Variants in ZNF536 observed in about 807,000 individuals in gnomAD.
ZNF536 encodes the protein zinc finger protein 536.
Under a neutral mutation model 84.5 loss-of-function variants are expected in ZNF536, and 13 were observed. That is an observed-to-expected ratio of 0.15 (90% CI 0.10 to 0.24). The LOEUF (loss-of-function observed/expected upper bound fraction) is 0.24, where lower values mean the gene tolerates loss of function less well. Ranked by LOEUF, ZNF536 falls within the 10% of genes least tolerant of loss-of-function variation. The pLI, the probability that ZNF536 is intolerant of heterozygous loss-of-function variation, is 1.00. For missense variants in ZNF536, 1,536 were observed against 1,747.5 expected (o/e 0.88, Z 2.16); for synonymous variants, 811 against 742.5 (o/e 1.09, Z -1.50).
chr19:30,630,288 G>A (rs1363069355), intron 1 of ZNF536, among the ~76,000 whole-genome samples: 2 of 152,188 alleles, frequency 1.3e-5, no homozygotes, highest in South Asian at 2.1e-4. Context: ...TTAGGTTGGT[G>A]CAAAAGTAAT....
intron 2 of ZNF536, among the ~76,000 whole-genome samples, chr19:30,528,717 ACT>A (rs2044686749): frequency 6.6e-6 from 1 of 151,928 alleles, no homozygotes; most frequent in Non-Finnish European, 1.5e-5. Context: ...GTGCAGGCAC[ACT>A]CTGTCTTCAT....
intron 1 of ZNF536, among the ~76,000 whole-genome samples, chr19:30,621,385 G>C (rs574990295): frequency 1.3e-5 from 2 of 152,098 alleles, no homozygotes; most frequent in South Asian, 2.1e-4. Context: ...TTTTAGAAAG[G>C]GGGTGTGGCC....
intron 1 of ZNF536, among the ~76,000 whole-genome samples, chr19:30,615,152 A>C (rs1472609080): frequency 6.0e-5 from 9 of 149,064 alleles, no homozygotes; most frequent in African/African-American, 2.2e-4. Flanking sequence ...TCACCGTGTT[A>C]GCCAGGATGG....
At chr19:30,318,182 G>A (rs2046742303) in intron 2 of ZNF536, among the ~76,000 whole-genome samples, 1 of 152,196 alleles carries the variant, frequency 6.6e-6, no homozygotes, top group Non-Finnish European at 1.5e-5. Flanking sequence ...AGCTGATGGA[G>A]CCCTCTCCCA....
chr19:30,619,618 C>T (rs1024068281), intron 1 of ZNF536, among the ~76,000 whole-genome samples: 1 of 152,218 alleles, frequency 6.6e-6, no homozygotes. Context: ...AAGCCCAGAG[C>T]TCACCGACTC....
At chr19:30,536,767 G>T (rs1391903217) in intron 3 of ZNF536, among the ~76,000 whole-genome samples, 1 of 152,158 alleles carries the variant, frequency 6.6e-6, no homozygotes, top group Non-Finnish European at 1.5e-5. Context: ...GCAAGTGCTG[G>T]TTGCTTGGGC....
intron 1 of ZNF536, among the ~76,000 whole-genome samples, chr19:30,415,145 T>TCCCTG (rs2050659716): frequency 7.1e-6 from 1 of 140,176 alleles, no homozygotes; most frequent in African/African-American, 2.7e-5. Flanking sequence ...CTTTTCCTTC[T>TCCCTG]TCTCCTCCCC....
intron 1 of ZNF536, among the ~76,000 whole-genome samples, chr19:30,262,955 A>G (rs915386589): frequency 4.6e-5 from 7 of 152,206 alleles, no homozygotes; most frequent in African/African-American, 1.7e-4. Flanking sequence ...TGTGTAAGGC[A>G]GGGGTGCTAG....
chr19:30,613,916 G>A (rs1281849172), intron 1 of ZNF536, among the ~76,000 whole-genome samples: 3 of 152,168 alleles, frequency 2.0e-5, no homozygotes, highest in Non-Finnish European at 2.9e-5. Flanking sequence ...GGGCTGGAGC[G>A]CAGTGGTACG....
At chr19:30,522,437 G>A (rs1277937266) in intron 2 of ZNF536, among the ~76,000 whole-genome samples, 1 of 151,446 alleles carries the variant, frequency 6.6e-6, no homozygotes, top group Non-Finnish European at 1.5e-5. Context: ...GGCTAGATAA[G>A]TCAGTGCAGC....
intron 2 of ZNF536, among the ~76,000 whole-genome samples, chr19:30,457,183 C>A (rs1303895965): frequency 1.3e-5 from 2 of 152,208 alleles, no homozygotes; most frequent in Non-Finnish European, 2.9e-5. Context: ...GTGGGAGCAC[C>A]TTGGTGCCCA....
intron 1 of ZNF536, among the ~76,000 whole-genome samples, chr19:30,641,379 C>T (rs982400826): frequency 3.9e-5 from 6 of 152,092 alleles, no homozygotes; most frequent in African/African-American, 1.2e-4. Flanking sequence ...CTGTGCCTAG[C>T]TTTTATGGAA....
intron 1 of ZNF536, among the ~76,000 whole-genome samples, chr19:30,705,156 G>C (rs1434922104): frequency 6.6e-6 from 1 of 152,110 alleles, no homozygotes; most frequent in African/African-American, 2.4e-5. Context: ...CAGGCTTTCA[G>C]TTATATTTGA....
rs140395767 is a variant in ZNF536 at position 30,325,215 on chromosome 19, C to T, written c.-119-27153C>T. Reference sequence around the variant, plus strand: ...GCACTTTGCCTTCTGGGGGCTCCAGCACCAGGCTGCAACTGAGGGACAGAA... The same window carrying T: ...GCACTTTGCCTTCTGGGGGCTCCAGTACCAGGCTGCAACTGAGGGACAGAA... On this transcript the variant is annotated intron_variant, in intron 2 of 5. Transcript: ENST00000585628. Among the ~76,000 whole-genome samples the T allele has an allele frequency of 2.1e-3, 316 of 152,298 alleles. 2 individuals are homozygous for T. Among genetic ancestry groups the T allele is most frequent in the African/African-American group, 7.1e-3 (296 of 41,576 alleles).
At chr19:30,338,469 T>C (rs1486635439) in intron 2 of ZNF536, among the ~76,000 whole-genome samples, 2 of 147,148 alleles carry the variant, frequency 1.4e-5, no homozygotes, top group Non-Finnish European at 3.0e-5. Context: ...GTGATGATGA[T>C]GACAATGATG....
rs1179950305 is a variant in ZNF536 at position 30,664,202 on chromosome 19, TTTTCTCTCTCTCTC to T, written c.170-46553_170-46540del. Among the ~76,000 whole-genome samples the T allele has an allele frequency of 2.7e-3, 316 of 118,498 alleles. 9 individuals are homozygous for T. Among genetic ancestry groups the T allele is most frequent in the African/African-American group, 5.2e-3 (178 of 34,372 alleles). 77.7% of individuals were successfully genotyped at this position (118,498 alleles called of 152,430 possible). A position where few individuals can be genotyped will look rare whatever the true frequency, so the allele number is the denominator to read the frequency against. ...GCTATCTAGAGGAATTCTTGCTGAG[TTTTCTCTCTCTCTC>T]TCTCTCTCTCTCTCTCTCTCTCTCT... is the stretch of plus-strand genomic sequence containing the variant. On this transcript the variant is annotated intron_variant, in intron 1 of 1. Coordinates refer to the ZNF536 transcript ENST00000592773.
intron 1 of ZNF536, among the ~76,000 whole-genome samples, chr19:30,273,054 C>A (rs143782117): frequency 6.6e-6 from 1 of 152,158 alleles, no homozygotes; most frequent in African/African-American, 2.4e-5. Flanking sequence ...AGGTATGCAC[C>A]ACCACACCTG....
intron 2 of ZNF536, among the ~76,000 whole-genome samples, chr19:30,303,955 C>T (rs2046268772): frequency 1.3e-5 from 2 of 152,134 alleles, no homozygotes. Context: ...AGCACACGTG[C>T]CAGGGAGTTA....
intron 1 of ZNF536, among the ~76,000 whole-genome samples, chr19:30,595,475 AT>A (rs1256377914): frequency 6.6e-6 from 1 of 151,856 alleles, no homozygotes; most frequent in Admixed American, 6.6e-5. Context: ...TTTTGTAGAT[AT>A]GGGGTCTCTC....
Sources: gnomAD v4.1 joint callset for allele counts (sites outside exome capture counted in the v4.1 genomes callset) on GRCh38, gnomAD v4.1.1 for gene constraint, MANE v1.5 for transcripts, NCBI Gene and HGNC (gene_info 2026-07-23, HGNC 2026-07-21) for gene names.